Variants in KAZN observed in about 807,000 individuals in gnomAD.
KAZN encodes kazrin.
Under a neutral mutation model 87.4 loss-of-function variants are expected in KAZN, and 40 were observed. The observed-to-expected ratio is 0.46, with a 90% CI of 0.36 to 0.60. The LOEUF (loss-of-function observed/expected upper bound fraction) is 0.60, where lower values mean the gene tolerates loss of function less well. Among genes scored for constraint, KAZN ranks in the 20% least tolerant of loss-of-function variants. The probability of loss-of-function intolerance (pLI) is 0.00; values close to 1 mark genes in which losing one functional copy is unlikely to be tolerated. For missense variants in KAZN, 898 were observed against 1,073.9 expected (o/e 0.84, Z 2.29); for synonymous variants, 466 against 458.3 (o/e 1.02, Z -0.22).
chr1:14,099,601 T>A (rs1234894226), intron 1 of KAZN, among the ~76,000 whole-genome samples: 1 of 152,142 alleles, frequency 6.6e-6, no homozygotes, highest in Non-Finnish European at 1.5e-5. Flanking sequence ...TTGAGAGATA[T>A]GAAACTCCCT....
intron 1 of KAZN, among the ~76,000 whole-genome samples, chr1:14,833,392 T>C (rs866624333): frequency 1.9e-4 from 29 of 152,060 alleles, no homozygotes; most frequent in African/African-American, 1.7e-4. Flanking sequence ...CTGGTGTGTG[T>C]GTGGGCAGCA....
At chr1:14,364,245 A>T (rs1014369950) in intron 2 of KAZN, among the ~76,000 whole-genome samples, 1 of 152,180 alleles carries the variant, frequency 6.6e-6, no homozygotes, top group Non-Finnish European at 1.5e-5. Context: ...CTCAGGAGCC[A>T]GAGTCACTGG....
intron 2 of KAZN, among the ~76,000 whole-genome samples, chr1:14,232,303 TGG>T (rs960278878): frequency 2.0e-5 from 3 of 152,116 alleles, no homozygotes; most frequent in African/African-American, 7.2e-5. Context: ...GCGCAGGCAG[TGG>T]GGGATATAAC....
At chr1:14,375,167 GA>G (rs1232547224) in intron 2 of KAZN, among the ~76,000 whole-genome samples, 3 of 152,120 alleles carry the variant, frequency 2.0e-5, no homozygotes, top group Non-Finnish European at 4.4e-5. Context: ...AAATAATAAT[GA>G]AAAAATTGTT....
chr1:14,480,378 C>T (rs1406654174), intron 2 of KAZN, among the ~76,000 whole-genome samples: 4 of 152,082 alleles, frequency 2.6e-5, no homozygotes, highest in Non-Finnish European at 5.9e-5. Flanking sequence ...CCTCAATTTG[C>T]TTACATTCTA....
chr1:13,998,990 A>G (rs923144580), intron 1 of KAZN, among the ~76,000 whole-genome samples: 5 of 152,248 alleles, frequency 3.3e-5, no homozygotes, highest in African/African-American at 4.8e-5. Context: ...AGCAAATGCA[A>G]AAGAACTGAA....
At position 14,629,433 on chromosome 1, in the gene KAZN, C is replaced by T. The variant is rs951543157; in HGVS notation, c.226+30210C>T. On this transcript the variant is annotated intron_variant, in intron 1 of 14. Coordinates refer to ENST00000376030, the MANE Select transcript of KAZN (RefSeq NM_201628.3). ...GGTGATTTGTTGCAACGAACAGAAA[C>T]CCACGTTAAACTGGTTGAAATGGTC... 8.5e-5 allele frequency among the ~76,000 whole-genome samples: 13 copies of T among 152,194 alleles called. 1 individual carries two copies. The highest frequency in any genetic ancestry group is 3.1e-4 in the African/African-American group (13 of 41,444).
intron 1 of KAZN, among the ~76,000 whole-genome samples, chr1:14,729,995 C>T (rs10803308): frequency 0.23 from 34,723 of 152,062 alleles, 4,834 homozygotes; most frequent in African/African-American, 0.37. Flanking sequence ...TTTTGTGCTG[C>T]GATGACAGAG....
At chr1:14,170,021 T>C (rs568069665) in intron 1 of KAZN, among the ~76,000 whole-genome samples, 2 of 152,160 alleles carry the variant, frequency 1.3e-5, no homozygotes, top group Non-Finnish European at 2.9e-5. Context: ...CCCAAGCTTC[T>C]TTCTGAACAT....
chr1:14,275,562 G>A lies in KAZN; in HGVS notation c.249+94970G>A, dbSNP rs74464158. On this transcript the variant is annotated intron_variant, in intron 2 of 16. Coordinates refer to the KAZN transcript ENST00000636203. ...GAAATAATTCTTTGTGTATTCTTTC[G>A]TTACTTGATATTTTTCTCTACATTA... Among the ~76,000 whole-genome samples the A allele has an allele frequency of 7.2e-3, 1,073 of 148,502 alleles. 13 individuals carry two copies. Among genetic ancestry groups the A allele is most frequent in the African/African-American group, 0.025 (1,005 of 40,222 alleles).
intron 1 of KAZN, among the ~76,000 whole-genome samples, chr1:14,681,679 T>A (rs1640663196): frequency 4.5e-5 from 2 of 44,836 alleles, no homozygotes; most frequent in East Asian, 7.6e-4. Flanking sequence ...TTTTTTTTTT[T>A]TTTTTTTTTT....
intron 2 of KAZN, among the ~76,000 whole-genome samples, chr1:14,414,974 C>G (rs1481124406): frequency 6.6e-6 from 1 of 152,024 alleles, no homozygotes; most frequent in African/African-American, 2.4e-5. Flanking sequence ...TGTAGTGAGC[C>G]AAGATCACAC....
chr1:14,090,633 A>T (rs548655484), intron 1 of KAZN, among the ~76,000 whole-genome samples: 2 of 152,174 alleles, frequency 1.3e-5, no homozygotes, highest in Admixed American at 6.5e-5. Context: ...ATTTGCCTCT[A>T]TTACTGTGAC....
At chr1:15,051,155 A>G (rs2100439237) in intron 4 of KAZN, among the ~76,000 whole-genome samples, 2 of 152,340 alleles carry the variant, frequency 1.3e-5, no homozygotes, top group Middle Eastern at 3.4e-3. Context: ...CCCCAGAGAA[A>G]CATTCCCTAG....
At chr1:14,993,613 C>T (rs572419184) in intron 2 of KAZN, among the ~76,000 whole-genome samples, 4 of 152,328 alleles carry the variant, frequency 2.6e-5, no homozygotes, top group African/African-American at 9.6e-5. Flanking sequence ...CTCCCCGCCG[C>T]CACCCCCCTG....
intron 2 of KAZN, among the ~76,000 whole-genome samples, chr1:14,412,853 A>T (rs1384075816): frequency 6.6e-6 from 1 of 151,274 alleles, no homozygotes; most frequent in African/African-American, 2.4e-5. Flanking sequence ...GGATATCAAG[A>T]TATCATAAAA....
chr1:14,342,734 G>A (rs12028092), intron 2 of KAZN, among the ~76,000 whole-genome samples: 37,897 of 152,096 alleles, frequency 0.25, 5,118 homozygotes, highest in Non-Finnish European at 0.31. Flanking sequence ...TGAGACAAGA[G>A]GCAAGTCAGC....
At chr1:14,217,195 T>C (rs1324342853) in intron 2 of KAZN, among the ~76,000 whole-genome samples, 1 of 152,140 alleles carries the variant, frequency 6.6e-6, no homozygotes, top group Non-Finnish European at 1.5e-5. Context: ...TATTGGACTT[T>C]CCAGCCTTCA....
At chr1:15,038,825 A>G (rs1485706083) in intron 3 of KAZN, among the ~76,000 whole-genome samples, 3 of 103,876 alleles carry the variant, frequency 2.9e-5, no homozygotes, top group Non-Finnish European at 6.6e-5. Context: ...CACCTACTAT[A>G]TACAGACATG....
Sources: gnomAD v4.1 joint callset for allele counts (sites outside exome capture counted in the v4.1 genomes callset) on GRCh38, gnomAD v4.1.1 for gene constraint, MANE v1.5 for transcripts, NCBI Gene and HGNC (gene_info 2026-07-23, HGNC 2026-07-21) for gene names.